Variants in PCDH9 observed in about 807,000 individuals in gnomAD.
PCDH9 encodes the protein protocadherin-9.
In PCDH9, 24 loss-of-function variants were observed where a neutral mutation model predicts 70.6. That is an observed-to-expected ratio of 0.34 (90% CI 0.25 to 0.48). The LOEUF is 0.48. Ranked by LOEUF, PCDH9 falls within the 20% of genes least tolerant of loss-of-function variation. PCDH9 has a pLI of 0.99. For missense variants in PCDH9, 1,281 were observed against 1,503.6 expected (o/e 0.85, Z 2.45); for synonymous variants, 562 against 558.5 (o/e 1.01, Z -0.09).
chr13:67,051,549 C>T (rs1006748522), intron 2 of PCDH9, among the ~76,000 whole-genome samples: 4 of 151,738 alleles, frequency 2.6e-5, no homozygotes, highest in Non-Finnish European at 4.4e-5. Context: ...CGTGCCACCA[C>T]GCCCAGCTAA....
At chr13:67,159,746 T>TA (rs1014782558) in intron 2 of PCDH9, among the ~76,000 whole-genome samples, 14 of 152,158 alleles carry the variant, frequency 9.2e-5, no homozygotes, top group African/African-American at 3.1e-4. Context: ...AGTAATTGAC[T>TA]AAAAAACAAA....
chr13:66,339,724 G>A (rs1400523156), intron 4 of PCDH9, among the ~76,000 whole-genome samples: 3 of 151,962 alleles, frequency 2.0e-5, no homozygotes, highest in Non-Finnish European at 4.4e-5. Context: ...TTTTGAACAT[G>A]CATTTGTGGT....
intron 2 of PCDH9, among the ~76,000 whole-genome samples, chr13:67,180,901 T>C (rs973059679): frequency 9.8e-5 from 15 of 152,306 alleles, no homozygotes; most frequent in African/African-American, 3.4e-4. Flanking sequence ...TCCAAATGTA[T>C]TTACAGAGTT....
rs1363577369 is a variant in PCDH9 at position 66,903,533 on chromosome 13, T to C, written c.3109A>G (p.Ile1037Val). The C allele has an allele frequency of 6.4e-7, 1 of 1,565,178 alleles. No individual in the cohort carries two copies. The highest frequency in any genetic ancestry group is 1.7e-5 in the Admixed American group (1 of 59,616). ...TAATGGCTTTCTTCATTCTCCTGAATGTGGAAACCCGTGGAGCTGGGACAT... is the reference window on the plus strand; with the variant it reads ...TAATGGCTTTCTTCATTCTCCTGAACGTGGAAACCCGTGGAGCTGGGACAT... ...QKCPSSTGFHIQENEESHYES... is the reference protein window; with the variant it reads ...QKCPSSTGFHVQENEESHYES... The change falls in exon 3 of 5, where the codon ATT becomes GTT. Residue 1037 changes from isoleucine (I) to valine (V), a missense_variant. Around this residue, in one of 4 missense-constraint regions of PCDH9, gnomAD observed 264 missense variants for 278.8 expected, o/e 0.95. Transcript: ENST00000377865.
chr13:66,507,363 G>A (rs1324932542), intron 4 of PCDH9, among the ~76,000 whole-genome samples: 2 of 152,016 alleles, frequency 1.3e-5, no homozygotes, highest in African/African-American at 4.8e-5. Flanking sequence ...TTGGTATCAC[G>A]GGTGGACAAA....
chr13:67,012,536 C>G (rs1472720726), intron 2 of PCDH9, among the ~76,000 whole-genome samples: 1 of 151,926 alleles, frequency 6.6e-6, no homozygotes, highest in Non-Finnish European at 1.5e-5. Flanking sequence ...TGAATGAACA[C>G]TGATAAGAAA....
At chr13:66,640,006 C>T (rs1163696180) in intron 3 of PCDH9, among the ~76,000 whole-genome samples, 1 of 152,060 alleles carries the variant, frequency 6.6e-6, no homozygotes, top group Non-Finnish European at 1.5e-5. Context: ...AAAAACCCAG[C>T]AAGAGTCCTT....
At chr13:66,904,417 A>C (rs887095300) in intron 2 of PCDH9, among the ~76,000 whole-genome samples, 6 of 151,992 alleles carry the variant, frequency 3.9e-5, no homozygotes, top group African/African-American at 1.4e-4. Flanking sequence ...GACTCAAGGC[A>C]AGCAATATTT....
At chr13:66,477,362 A>C (rs1958750393) in intron 4 of PCDH9, among the ~76,000 whole-genome samples, 1 of 152,154 alleles carries the variant, frequency 6.6e-6, no homozygotes, top group African/African-American at 2.4e-5. Flanking sequence ...ATACACATTC[A>C]AGCACTTGGC....
chr13:66,376,329 A>T (rs1566279367), intron 4 of PCDH9, among the ~76,000 whole-genome samples: 1 of 151,932 alleles, frequency 6.6e-6, no homozygotes, highest in African/African-American at 2.4e-5. Context: ...CTGTTCCTCA[A>T]CTCTCACCAA....
chr13:67,069,224 A>G (rs922753886), intron 2 of PCDH9, among the ~76,000 whole-genome samples: 5 of 152,140 alleles, frequency 3.3e-5, no homozygotes, highest in African/African-American at 9.6e-5. Context: ...GACTACAAAT[A>G]TGCTTTTTCA....
chr13:66,655,979 C>T (rs528918475), intron 3 of PCDH9, among the ~76,000 whole-genome samples: 13 of 152,172 alleles, frequency 8.5e-5, no homozygotes, highest in African/African-American at 2.4e-4. Context: ...AGTAATTGCA[C>T]TCAAGGTCTG....
At chr13:66,430,323 T>C (rs956189863) in intron 4 of PCDH9, among the ~76,000 whole-genome samples, 1 of 152,046 alleles carries the variant, frequency 6.6e-6, no homozygotes, top group Non-Finnish European at 1.5e-5. Flanking sequence ...GGGCACATTT[T>C]CCACATCAAT....
At chr13:66,766,031 G>T (rs1052776318) in intron 3 of PCDH9, among the ~76,000 whole-genome samples, 1 of 151,894 alleles carries the variant, frequency 6.6e-6, no homozygotes, top group African/African-American at 2.4e-5. Flanking sequence ...CTCTTATATA[G>T]TCTATTTATG....
intron 3 of PCDH9, among the ~76,000 whole-genome samples, chr13:66,699,537 G>T (rs1032667406): frequency 3.3e-5 from 5 of 152,122 alleles, no homozygotes; most frequent in African/African-American, 1.2e-4. Context: ...GAGAGAAAAG[G>T]GAAGTGTGCA....
chr13:66,706,862 G>A (rs1462647031), intron 3 of PCDH9, among the ~76,000 whole-genome samples: 1 of 152,170 alleles, frequency 6.6e-6, no homozygotes, highest in South Asian at 2.1e-4. Flanking sequence ...AAGAGTTTGG[G>A]TTACTGGGCA....
chr13:66,868,523 AT>A (rs1242829853), intron 3 of PCDH9, among the ~76,000 whole-genome samples: 1 of 152,058 alleles, frequency 6.6e-6, no homozygotes, highest in Non-Finnish European at 1.5e-5. Flanking sequence ...GTGCAAAAAA[AT>A]ATTAAGAACT....
chr13:66,517,234 A>G (rs1959781126), intron 4 of PCDH9, among the ~76,000 whole-genome samples: 1 of 152,272 alleles, frequency 6.6e-6, no homozygotes, highest in African/African-American at 2.4e-5. Context: ...ACCTCAAAGT[A>G]TTTGTCATTG....
At chr13:66,404,781 C>T (rs1418157420) in intron 4 of PCDH9, among the ~76,000 whole-genome samples, 2 of 151,738 alleles carry the variant, frequency 1.3e-5, no homozygotes, top group Non-Finnish European at 2.9e-5. Flanking sequence ...ACCTTCATGC[C>T]TTTTTCCCCC....
Sources: gnomAD v4.1 joint callset for allele counts (sites outside exome capture counted in the v4.1 genomes callset) on GRCh38, gnomAD v4.1.1 for gene constraint, gnomAD v4.1.1 regional missense constraint, MANE v1.5 for transcripts, NCBI Gene and HGNC (gene_info 2026-07-23, HGNC 2026-07-21) for gene names.